The following ROBO1 variants were observed in gnomAD, a reference collection of about 807,000 sequenced individuals.
The protein encoded by ROBO1 is roundabout homolog 1.
In ROBO1, 149 loss-of-function variants were observed where a neutral mutation model predicts 195.9. The observed-to-expected ratio is 0.76, with a 90% CI of 0.67 to 0.87. The LOEUF (loss-of-function observed/expected upper bound fraction) is 0.87, where lower values mean the gene tolerates loss of function less well. Ranked by LOEUF, ROBO1 falls within the 40% of genes least tolerant of loss-of-function variation. ROBO1 has a pLI of 0.00. For missense variants in ROBO1, 1,933 were observed against 2,068.3 expected, an observed-to-expected ratio of 0.93 and a Z score of 1.27; for synonymous variants, 816 against 733.2, an observed-to-expected ratio of 1.11 and a Z score of -1.82.
In ROBO1 at chr3:78,645,267, C is replaced by T. The variant is rs186551462; in HGVS notation, c.2882+881G>A. Reference sequence around the variant, plus strand: ...ATACTAAATTCAGTAATTTTCTTATCCGGTGGTATGTTCCTTGAATTTAGG... The same window carrying T: ...ATACTAAATTCAGTAATTTTCTTATTCGGTGGTATGTTCCTTGAATTTAGG... On this transcript the variant is annotated intron_variant, in intron 21 of 30. Coordinates refer to ENST00000464233, the MANE Select transcript of ROBO1 (RefSeq NM_002941.4). Among the ~76,000 whole-genome samples the T allele has an allele frequency of 6.7e-4, 102 of 152,012 alleles. 1 individual carries two copies. Among genetic ancestry groups the T allele is most frequent in the Non-Finnish European group, 1.1e-3 (77 of 67,962 alleles).
intron 4 of ROBO1, among the ~76,000 whole-genome samples, chr3:78,859,932 A>C (rs2034689883): frequency 6.6e-6 from 1 of 152,236 alleles, no homozygotes; most frequent in East Asian, 1.9e-4. Context: ...ACAAAAAATT[A>C]GCCGGGCGTG....
chr3:79,166,560 C>CTTTTTTTTT lies in ROBO1; in HGVS notation c.89-41030_89-41022dup, dbSNP rs968334923. 4.7e-3 allele frequency among the ~76,000 whole-genome samples: 636 copies of CTTTTTTTTT among 135,014 alleles called. 9 individuals are homozygous for CTTTTTTTTT. Among genetic ancestry groups the CTTTTTTTTT allele is most frequent in the African/African-American group, 0.014 (495 of 35,916 alleles). The allele number at this position is 135,014 out of a possible 152,430, so 88.6% of individuals were successfully genotyped here. On this transcript the variant is annotated intron_variant, in intron 2 of 30. Coordinates refer to ENST00000464233, the MANE Select transcript of ROBO1 (RefSeq NM_002941.4). ...GATGGAAGGCAAGTTTTCTATTTTT[C>CTTTTTTTTT]TTTTTTTTTTTTTTTTTATTTTTGA...
At chr3:79,745,757 C>T (rs188682237) in intron 1 of ROBO1, among the ~76,000 whole-genome samples, 1 of 152,036 alleles carries the variant, frequency 6.6e-6, no homozygotes, top group Non-Finnish European at 1.5e-5. Context: ...AGTGTAATTA[C>T]AATTATAAGG....
At chr3:79,526,925 G>T (rs1941456220) in intron 2 of ROBO1, among the ~76,000 whole-genome samples, 1 of 152,064 alleles carries the variant, frequency 6.6e-6, no homozygotes, top group Non-Finnish European at 1.5e-5. Flanking sequence ...AATGGTAACA[G>T]AAATTTGAAG....
At chr3:78,990,366 G>T (rs1249816575) in intron 3 of ROBO1, among the ~76,000 whole-genome samples, 1 of 152,076 alleles carries the variant, frequency 6.6e-6, no homozygotes, top group African/African-American at 2.4e-5. Flanking sequence ...TTTGCCACCC[G>T]CTACGAGCAT....
intron 2 of ROBO1, among the ~76,000 whole-genome samples, chr3:79,585,144 T>A (rs1362032926): frequency 6.6e-6 from 1 of 151,796 alleles, no homozygotes; most frequent in Non-Finnish European, 1.5e-5. Context: ...AAGGGGCCCA[T>A]AAAGGCAAAA....
At chr3:79,307,726 T>C (rs922121328) in intron 2 of ROBO1, among the ~76,000 whole-genome samples, 2 of 152,172 alleles carry the variant, frequency 1.3e-5, no homozygotes, top group East Asian at 3.9e-4. Context: ...CCTGGGAAGA[T>C]AGCACACAGT....
At chr3:79,692,794 G>A (rs889281554) in intron 1 of ROBO1, among the ~76,000 whole-genome samples, 24 of 151,656 alleles carry the variant, frequency 1.6e-4, no homozygotes, top group African/African-American at 3.4e-4. Flanking sequence ...ATTCCTTATC[G>A]AAAATATTTG....
intron 4 of ROBO1, among the ~76,000 whole-genome samples, chr3:78,927,514 A>G (rs1300841641): frequency 6.6e-6 from 1 of 152,228 alleles, no homozygotes; most frequent in Admixed American, 6.5e-5. Flanking sequence ...CGTGTATCAT[A>G]TCATTTTTGA....
chr3:79,035,822 A>G (rs1341620659), intron 3 of ROBO1, among the ~76,000 whole-genome samples: 2 of 152,152 alleles, frequency 1.3e-5, no homozygotes, highest in East Asian at 3.9e-4. Flanking sequence ...CTTGAAATTT[A>G]GCTTTTGTTA....
At chr3:79,119,078 C>A (rs1397425324) in intron 3 of ROBO1, among the ~76,000 whole-genome samples, 1 of 152,084 alleles carries the variant, frequency 6.6e-6, no homozygotes, top group Non-Finnish European at 1.5e-5. Flanking sequence ...GAAATATCTA[C>A]ATATATATTT....
At chr3:79,283,331 C>A (rs1351859475) in intron 2 of ROBO1, among the ~76,000 whole-genome samples, 5 of 152,116 alleles carry the variant, frequency 3.3e-5, no homozygotes, top group Non-Finnish European at 5.9e-5. Context: ...ATGCAATATA[C>A]CCAGGTAACA....
chr3:78,944,945 G>A (rs2040341668), intron 3 of ROBO1, among the ~76,000 whole-genome samples: 1 of 152,202 alleles, frequency 6.6e-6, no homozygotes, highest in Non-Finnish European at 1.5e-5. Context: ...CAAACTGCAA[G>A]GCGGCAGTGA....
chr3:79,714,188 G>A (rs1702385836), intron 1 of ROBO1, among the ~76,000 whole-genome samples: 1 of 151,984 alleles, frequency 6.6e-6, no homozygotes, highest in African/African-American at 2.4e-5. Context: ...GTGGGAGAAG[G>A]ATATGAACAG....
At chr3:78,636,790 A>G (rs1459554632) in intron 22 of ROBO1, among the ~76,000 whole-genome samples, 2 of 151,274 alleles carry the variant, frequency 1.3e-5, no homozygotes, top group Admixed American at 6.6e-5. Flanking sequence ...TAACAAAAGG[A>G]ATCATAGTAA....
At chr3:79,612,397 T>C (rs1299860455) in intron 1 of ROBO1, among the ~76,000 whole-genome samples, 1 of 149,744 alleles carries the variant, frequency 6.7e-6, no homozygotes, top group Non-Finnish European at 1.5e-5. Flanking sequence ...CCATGGTGTA[T>C]ATGTGCCACA....
At chr3:78,878,500 G>A (rs1015120841) in intron 4 of ROBO1, among the ~76,000 whole-genome samples, 2 of 144,146 alleles carry the variant, frequency 1.4e-5, no homozygotes, top group Middle Eastern at 3.8e-3. Flanking sequence ...CAGGAGAATC[G>A]CTTGAACTGG....
chr3:79,117,874 TTCTC>T (rs1301329099), intron 3 of ROBO1, among the ~76,000 whole-genome samples: 1 of 152,214 alleles, frequency 6.6e-6, no homozygotes, highest in Non-Finnish European at 1.5e-5. Context: ...TTGTCCAAAA[TTCTC>T]TCTAAGAATT....
intron 2 of ROBO1, among the ~76,000 whole-genome samples, chr3:79,247,663 C>T (rs936431778): frequency 1.3e-5 from 2 of 152,028 alleles, no homozygotes; most frequent in African/African-American, 4.8e-5. Flanking sequence ...TCATTTCAAG[C>T]TTCAGTCCAC....
Sources: allele counts gnomAD v4.1 joint callset (sites outside exome capture counted in the v4.1 genomes callset), GRCh38; gene constraint gnomAD v4.1.1; transcripts MANE v1.5; gene names NCBI Gene and HGNC (gene_info 2026-07-23, HGNC 2026-07-21).